Variants in DCC observed in about 807,000 individuals in gnomAD.
DCC encodes DCC netrin 1 receptor.
DCC carries 58 observed loss-of-function variants against 172.5 expected under a neutral mutation model. That is an observed-to-expected ratio of 0.34 (90% CI 0.27 to 0.42). The LOEUF is 0.42. Among genes scored for constraint, DCC ranks in the 10% least tolerant of loss-of-function variants. The pLI is 1.00. For missense variants in DCC, 1,740 were observed against 1,791.0 expected (o/e 0.97, Z 0.51); for synonymous variants, 709 against 644.5 (o/e 1.10, Z -1.52).
intron 15 of DCC, among the ~76,000 whole-genome samples, chr18:53,353,919 G>A (rs532157952): frequency 1.6e-4 from 24 of 151,162 alleles, no homozygotes; most frequent in African/African-American, 4.4e-4. Context: ...TCCCTCCCCC[G>A]ACCTCACGAC....
chr18:53,072,234 C>T (rs1231911634), intron 7 of DCC, among the ~76,000 whole-genome samples: 2 of 152,090 alleles, frequency 1.3e-5, no homozygotes, highest in South Asian at 2.1e-4. Flanking sequence ...CATTGGCATA[C>T]TGGATGGTGA....
At chr18:52,628,038 T>C (rs2034605572) in intron 1 of DCC, among the ~76,000 whole-genome samples, 1 of 152,228 alleles carries the variant, frequency 6.6e-6, no homozygotes, top group Non-Finnish European at 1.5e-5. Context: ...TTTGATGTGC[T>C]TTTATGACTT....
chr18:52,725,130 C>T (rs1380945709), intron 1 of DCC, among the ~76,000 whole-genome samples: 1 of 152,136 alleles, frequency 6.6e-6, no homozygotes, highest in African/African-American at 2.4e-5. Context: ...AATACCTGCC[C>T]ACAGAGGGCC....
intron 12 of DCC, among the ~76,000 whole-genome samples, chr18:53,239,022 C>T (rs1388078476): frequency 7.7e-5 from 10 of 129,316 alleles, no homozygotes; most frequent in South Asian, 7.0e-4. Flanking sequence ...GGAAGGGGGA[C>T]ATCACACACC....
intron 15 of DCC, among the ~76,000 whole-genome samples, chr18:53,355,800 C>A (rs928116507): frequency 1.3e-5 from 2 of 151,896 alleles, no homozygotes; most frequent in Non-Finnish European, 2.9e-5. Flanking sequence ...ATTTTTGTAC[C>A]ACTGCCTCTG....
intron 12 of DCC, among the ~76,000 whole-genome samples, chr18:53,302,530 A>G (rs1462587509): frequency 6.6e-6 from 1 of 152,024 alleles, no homozygotes; most frequent in East Asian, 1.9e-4. Context: ...CATTGTCTTC[A>G]ACGCTGTTTG....
intron 1 of DCC, among the ~76,000 whole-genome samples, chr18:52,512,626 G>A (rs2031483082): frequency 6.6e-6 from 1 of 152,120 alleles, no homozygotes; most frequent in African/African-American, 2.4e-5. Flanking sequence ...TAAAAATTAT[G>A]AGCGCTTAGT....
chr18:53,120,699 C>T (rs2043471193), intron 7 of DCC, among the ~76,000 whole-genome samples: 1 of 151,754 alleles, frequency 6.6e-6, no homozygotes, highest in African/African-American at 2.4e-5. Context: ...TAAATGCTGT[C>T]TGATAATTAT....
At chr18:52,372,804 A>C (rs1440885330) in intron 1 of DCC, among the ~76,000 whole-genome samples, 1 of 152,214 alleles carries the variant, frequency 6.6e-6, no homozygotes, top group Non-Finnish European at 1.5e-5. Context: ...CATGCACTGA[A>C]TTTGATTTGT....
chr18:53,507,308 T>C (rs1018695727), intron 27 of DCC, among the ~76,000 whole-genome samples: 4 of 152,134 alleles, frequency 2.6e-5, no homozygotes, highest in African/African-American at 9.7e-5. Context: ...TTATGAAAAA[T>C]CTAACATACT....
intron 1 of DCC, among the ~76,000 whole-genome samples, chr18:52,610,194 T>A (rs1349710521): frequency 3.9e-4 from 9 of 23,214 alleles, no homozygotes; most frequent in East Asian, 1.5e-3. Flanking sequence ...TATATATATA[T>A]ATATATATAT....
rs186091444 is a variant in DCC, at chr18:53,206,382, T to C, written c.1722+1018T>C. 1.1e-4 allele frequency among the ~76,000 whole-genome samples: 5 copies of C among 44,176 alleles called. 1 individual carries two copies. Among genetic ancestry groups the C allele is most frequent in the South Asian group, 4.1e-4 (1 of 2,424 alleles). 29.0% of individuals were successfully genotyped at this position (44,176 alleles called of 152,430 possible). A position where few individuals can be genotyped will look rare whatever the true frequency, so the allele number is the denominator to read the frequency against. ...ATATATGTATTGTAACACATATATG[T>C]ATATATGTATATATACATATATGTA... On this transcript the variant is annotated intron_variant, in intron 10 of 28. Transcript: ENST00000442544.
At chr18:52,608,866 C>T (rs564351903) in intron 1 of DCC, among the ~76,000 whole-genome samples, 2 of 152,244 alleles carry the variant, frequency 1.3e-5, no homozygotes, top group South Asian at 2.1e-4. Flanking sequence ...GCCATCTGCC[C>T]TGAGATATGT....
intron 1 of DCC, among the ~76,000 whole-genome samples, chr18:52,407,849 C>A (rs954982572): frequency 6.6e-6 from 1 of 152,048 alleles, no homozygotes; most frequent in South Asian, 2.1e-4. Flanking sequence ...CCAAAATACC[C>A]ATGGCCTACA....
intron 15 of DCC, among the ~76,000 whole-genome samples, chr18:53,356,107 T>C (rs2057875103): frequency 6.6e-6 from 1 of 151,920 alleles, no homozygotes; most frequent in South Asian, 2.1e-4. Context: ...CAGGCTGGAG[T>C]GCGGTGGTGT....
At chr18:53,529,091 G>C (rs1455007209) in intron 28 of DCC, among the ~76,000 whole-genome samples, 1 of 126,710 alleles carries the variant, frequency 7.9e-6, no homozygotes, top group Non-Finnish European at 1.7e-5. Flanking sequence ...CACATTGTAT[G>C]TATATAAACA....
intron 12 of DCC, among the ~76,000 whole-genome samples, chr18:53,286,016 A>G (rs2056931701): frequency 6.6e-6 from 1 of 152,186 alleles, no homozygotes; most frequent in African/African-American, 2.4e-5. Flanking sequence ...GTATCTAGGA[A>G]GTAACTAACT....
At chr18:53,127,869 G>A (rs1226335772) in intron 7 of DCC, among the ~76,000 whole-genome samples, 1 of 152,082 alleles carries the variant, frequency 6.6e-6, no homozygotes, top group African/African-American at 2.4e-5. Flanking sequence ...AAACTATTCA[G>A]TACCTATGGC....
intron 7 of DCC, among the ~76,000 whole-genome samples, chr18:53,136,682 T>C (rs1214351641): frequency 6.6e-6 from 1 of 151,758 alleles, no homozygotes; most frequent in East Asian, 1.9e-4. Context: ...CTTGTGTCTC[T>C]TGCTTGTGGT....
Sources: allele counts gnomAD v4.1 joint callset (sites outside exome capture counted in the v4.1 genomes callset), GRCh38; gene constraint gnomAD v4.1.1; transcripts MANE v1.5; gene names NCBI Gene and HGNC (gene_info 2026-07-23, HGNC 2026-07-21).